The following MBD5 variants were observed in gnomAD, a reference collection of about 807,000 sequenced individuals.
MBD5 encodes methyl-CpG-binding domain protein 5.
MBD5 carries 13 observed loss-of-function variants against 117.3 expected under a neutral mutation model. The observed-to-expected ratio is 0.11, with a 90% confidence interval of 0.07 to 0.18. The LOEUF (loss-of-function observed/expected upper bound fraction) is 0.18. Ranked by LOEUF, MBD5 falls within the 10% of genes least tolerant of loss-of-function variation. The probability of loss-of-function intolerance (pLI) is 1.00; values close to 1 mark genes in which losing one functional copy is unlikely to be tolerated. For synonymous variants in MBD5, 727 were observed against 766.4 expected, an observed-to-expected ratio of 0.95 and a Z score of 0.85; for missense variants, 1,879 against 2,093.8, an observed-to-expected ratio of 0.90 and a Z score of 2.00.
At chr2:148,038,806 C>T (rs759579085) in intron 1 of MBD5, among the ~76,000 whole-genome samples, 4 of 151,768 alleles carry the variant, frequency 2.6e-5, no homozygotes, top group Non-Finnish European at 1.5e-5. Context: ...TTTGATGTTA[C>T]TGTTTAAATT....
At position 148,469,980 on chromosome 2, in the gene MBD5, A is replaced by C; in HGVS notation, c.2037A>C (p.Ala679=). The C allele has an allele frequency of 6.2e-7, 1 of 1,613,954 alleles. No individual in the cohort carries two copies. The highest frequency in any genetic ancestry group is 8.5e-7 in the Non-Finnish European group (1 of 1,179,878). ...GACAGTCTCAAATGGATAGTTCTGCAGTTCCTAAACCTGGACCTGACTTGC... is the reference window on the plus strand; with the variant it reads ...GACAGTCTCAAATGGATAGTTCTGCCGTTCCTAAACCTGGACCTGACTTGC... ...LLRQSQMDSS[A]VPKPGPDLLR... is the part of the protein sequence containing the mutation. Residue 679 remains alanine (A), a synonymous_variant, in exon 8 of 14, where the codon GCA becomes GCC. Transcript: ENST00000642680.
chr2:148,219,115 T>C (rs1699623557), intron 2 of MBD5, among the ~76,000 whole-genome samples: 1 of 152,236 alleles, frequency 6.6e-6, no homozygotes, highest in Non-Finnish European at 1.5e-5. Context: ...ATATTTTCTA[T>C]TTATCCTTAT....
intron 1 of MBD5, among the ~76,000 whole-genome samples, chr2:148,103,322 T>C (rs184438108): frequency 1.2e-3 from 184 of 152,294 alleles, no homozygotes; most frequent in African/African-American, 3.9e-3. Context: ...AGATCAAAAT[T>C]AATCTGATTG....
intron 3 of MBD5, among the ~76,000 whole-genome samples, chr2:148,274,436 G>C (rs990606175): frequency 7.0e-6 from 1 of 142,318 alleles, no homozygotes. Context: ...AAATAATCTC[G>C]ACCTTTAACT....
intron 3 of MBD5, among the ~76,000 whole-genome samples, chr2:148,267,004 A>G (rs1700875527): frequency 6.6e-6 from 1 of 152,266 alleles, no homozygotes; most frequent in South Asian, 2.1e-4. Flanking sequence ...TACAGCAAAG[A>G]ATGAAACAAG....
chr2:148,279,823 G>A (rs1296155466), intron 3 of MBD5, among the ~76,000 whole-genome samples: 1 of 151,902 alleles, frequency 6.6e-6, no homozygotes, highest in Non-Finnish European at 1.5e-5. Context: ...GACAGGTGGA[G>A]TGCAGTGGCT....
chr2:148,178,449 T>A (rs1039889164), intron 1 of MBD5, among the ~76,000 whole-genome samples: 3 of 152,168 alleles, frequency 2.0e-5, no homozygotes, highest in Admixed American at 1.3e-4. Context: ...ATCAAATTAG[T>A]ATTATAGAAA....
intron 1 of MBD5, among the ~76,000 whole-genome samples, chr2:148,060,393 C>T (rs1288337730): frequency 6.6e-6 from 1 of 151,440 alleles, no homozygotes; most frequent in Non-Finnish European, 1.5e-5. Flanking sequence ...AAAAAAAGAA[C>T]AAATTTTATC....
At chr2:148,460,038 G>A (rs142617437) in intron 5 of MBD5, among the ~76,000 whole-genome samples, 3 of 152,242 alleles carry the variant, frequency 2.0e-5, no homozygotes, top group East Asian at 1.9e-4. Context: ...TCTATTGCCA[G>A]TGCTGTTAAC....
At chr2:148,036,722 T>C (rs1207841447) in intron 1 of MBD5, among the ~76,000 whole-genome samples, 2 of 152,028 alleles carry the variant, frequency 1.3e-5, no homozygotes, top group African/African-American at 2.4e-5. Context: ...ATTCTTAGTA[T>C]TTCATTTCTA....
Position 148,185,556 on chromosome 2 carries a change from A to G in MBD5, c.-831+6763A>G, listed in dbSNP as rs967490264. ...AAGTGGGGGTTAATTAAATAGATAC[A>G]TAGTCATGGAATAAACTATTCTGAG... is the stretch of plus-strand genomic sequence containing the variant. On this transcript the variant is annotated intron_variant, in intron 2 of 13. Transcript: ENST00000642680. 3.3e-5 allele frequency among the ~76,000 whole-genome samples: 5 copies of G among 152,346 alleles called. 1 individual carries two copies. In the East Asian group the frequency reaches 7.7e-4, roughly 24 times the overall value.
chr2:148,509,388 G>C (rs1682142543), intron 12 of MBD5, among the ~76,000 whole-genome samples: 1 of 152,216 alleles, frequency 6.6e-6, no homozygotes, highest in Admixed American at 6.5e-5. Flanking sequence ...CCAAACATGT[G>C]TAATGGAATG....
At chr2:148,334,727 A>G (rs995477448) in intron 3 of MBD5, among the ~76,000 whole-genome samples, 1 of 152,186 alleles carries the variant, frequency 6.6e-6, no homozygotes, top group Non-Finnish European at 1.5e-5. Context: ...TCAATCTACC[A>G]TCTTTATGAA....
chr2:148,035,005 T>C (rs547340591), intron 1 of MBD5, among the ~76,000 whole-genome samples: 1 of 152,302 alleles, frequency 6.6e-6, no homozygotes, highest in Admixed American at 6.5e-5. Context: ...TTCTGAACTT[T>C]AGTTTATCAG....
chr2:148,301,935 C>A (rs1300579345), intron 3 of MBD5, among the ~76,000 whole-genome samples: 3 of 152,122 alleles, frequency 2.0e-5, no homozygotes, highest in African/African-American at 7.2e-5. Context: ...ACTGCCTTTC[C>A]CTGGCACCAG....
At chr2:148,347,717 G>T (rs1166742286) in intron 4 of MBD5, 1 of 151,888 alleles carries the variant, frequency 6.6e-6, no homozygotes, top group East Asian at 1.9e-4. Flanking sequence ...AGAAAACAAA[G>T]GACTTCTAGG....
At chr2:148,388,039 G>A (rs1222956214) in intron 4 of MBD5, among the ~76,000 whole-genome samples, 4 of 152,162 alleles carry the variant, frequency 2.6e-5, no homozygotes, top group African/African-American at 9.6e-5. Flanking sequence ...AGGGAAATAA[G>A]ATGGAATTGG....
chr2:148,380,220 A>G (rs1704097833), intron 4 of MBD5, among the ~76,000 whole-genome samples: 1 of 152,212 alleles, frequency 6.6e-6, no homozygotes, highest in Non-Finnish European at 1.5e-5. Flanking sequence ...TAGCCTCTGA[A>G]TATATAAAAT....
chr2:148,438,941 A>G (rs1312613159), intron 4 of MBD5, among the ~76,000 whole-genome samples: 1 of 152,180 alleles, frequency 6.6e-6, no homozygotes, highest in Non-Finnish European at 1.5e-5. Context: ...TCACAGATAC[A>G]CTAAAAATAA....
Sources: gnomAD v4.1 joint callset for allele counts (sites outside exome capture counted in the v4.1 genomes callset) on GRCh38, gnomAD v4.1.1 for gene constraint, MANE v1.5 for transcripts, NCBI Gene and HGNC (gene_info 2026-07-23, HGNC 2026-07-21) for gene names.